The following MTFR1 variants were observed in gnomAD, a reference collection of about 807,000 sequenced individuals.
MTFR1 encodes the protein chondrocyte protein with a poly-proline region.
MTFR1 carries 28 observed loss-of-function variants against 38.8 expected under a neutral mutation model. That is an observed-to-expected ratio of 0.72 (90% CI 0.53 to 0.99). The LOEUF (loss-of-function observed/expected upper bound fraction) is 0.99. Among genes scored for constraint, MTFR1 ranks in the 50% least tolerant of loss-of-function variants. The pLI is 0.00. For missense variants in MTFR1, 358 were observed against 395.5 expected (o/e 0.91, Z 0.81); for synonymous variants, 145 against 137.0 (o/e 1.06, Z -0.41).
rs927908804 is a variant in MTFR1 at position 65,676,977 on chromosome 8, C to T, written c.67-5376C>T. 1.2e-3 allele frequency among the ~76,000 whole-genome samples: 183 copies of T among 151,282 alleles called. 2 individuals carry two copies. Among genetic ancestry groups the T allele is most frequent in the East Asian group, 3.9e-4 (2 of 5,176 alleles). Reference sequence around the variant, plus strand: ...ATTACTAGACACAGACATGCATGTGCGCGCACACACACACACAGATTCACT... The same window carrying T: ...ATTACTAGACACAGACATGCATGTGTGCGCACACACACACACAGATTCACT... On this transcript the variant is annotated intron_variant, in intron 2 of 7. Coordinates refer to ENST00000262146, the MANE Select transcript of MTFR1 (RefSeq NM_014637.4).
intron 3 of MTFR1, among the ~76,000 whole-genome samples, chr8:65,758,761 A>G (rs1006434823): frequency 2.0e-5 from 3 of 152,200 alleles, no homozygotes; most frequent in African/African-American, 7.2e-5. Context: ...AAATCCATGC[A>G]GTACCTTCTG....
chr8:65,767,063 T>C (rs1231778517), intron 3 of MTFR1, among the ~76,000 whole-genome samples: 1 of 152,170 alleles, frequency 6.6e-6, no homozygotes, highest in Non-Finnish European at 1.5e-5. Context: ...TCCAACTGAA[T>C]CTTGTTTTTT....
At chr8:65,668,139 T>C (rs1804445152) in intron 1 of MTFR1, among the ~76,000 whole-genome samples, 1 of 152,098 alleles carries the variant, frequency 6.6e-6, no homozygotes, top group South Asian at 2.1e-4. Context: ...GCATACTGTT[T>C]GGTTTAGCTG....
At chr8:65,735,993 AC>A (rs1255289725) in intron 3 of MTFR1, among the ~76,000 whole-genome samples, 1 of 151,776 alleles carries the variant, frequency 6.6e-6, no homozygotes, top group Non-Finnish European at 1.5e-5. Flanking sequence ...ATGTTCCAAG[AC>A]CCCCAGTGGA....
At chr8:65,694,221 C>T (rs1046907912) in intron 4 of MTFR1, among the ~76,000 whole-genome samples, 4 of 151,844 alleles carry the variant, frequency 2.6e-5, no homozygotes, top group East Asian at 1.9e-4. Flanking sequence ...GCTACAGGCA[C>T]GCACCACCAC....
intron 3 of MTFR1, among the ~76,000 whole-genome samples, chr8:65,688,019 G>C (rs1805146111): frequency 6.7e-6 from 1 of 150,170 alleles, no homozygotes; most frequent in Non-Finnish European, 1.5e-5. Context: ...AGAATCGCTT[G>C]AACCTGGGAG....
chr8:65,700,060 A>G (rs1178727083), intron 4 of MTFR1, among the ~76,000 whole-genome samples: 2 of 152,126 alleles, frequency 1.3e-5, no homozygotes, highest in Non-Finnish European at 2.9e-5. Flanking sequence ...TTTATAAACT[A>G]GAAGTACAGG....
intron 1 of MTFR1, among the ~76,000 whole-genome samples, chr8:65,662,566 G>A (rs1189561102): frequency 7.0e-6 from 1 of 143,386 alleles, no homozygotes; most frequent in African/African-American, 2.5e-5. Flanking sequence ...CCCATCGTCT[G>A]GGATGTGAGG....
intron 1 of MTFR1, among the ~76,000 whole-genome samples, chr8:65,660,386 G>T (rs1204028012): frequency 6.6e-6 from 1 of 151,958 alleles, no homozygotes; most frequent in African/African-American, 2.4e-5. Context: ...CAGATAGCTG[G>T]TAAAACATCA....
At chr8:65,776,836 A>C in the MTFR1 span, among the ~76,000 whole-genome samples, 2,332 of 152,182 alleles carry the variant, frequency 0.015, 31 homozygotes, top group Non-Finnish European at 0.019. Context: ...TAGTCCTTAT[A>C]CTTTTCATTT....
chr8:65,688,274 CCTATAATCCCAG>C (rs1805158779), intron 3 of MTFR1, among the ~76,000 whole-genome samples: 1 of 151,040 alleles, frequency 6.6e-6, no homozygotes, highest in African/African-American at 2.4e-5. Flanking sequence ...ATGGCAGGTA[CCTATAATCCCAG>C]CTACTTGGGA....
At chr8:65,698,651 T>TA (rs1231413738) in intron 4 of MTFR1, among the ~76,000 whole-genome samples, 1 of 152,132 alleles carries the variant, frequency 6.6e-6, no homozygotes, top group Non-Finnish European at 1.5e-5. Context: ...ATCACTCAGG[T>TA]AATAAGCATA....
At chr8:65,733,794 A>G (rs1375256200) in intron 3 of MTFR1, among the ~76,000 whole-genome samples, 2 of 152,212 alleles carry the variant, frequency 1.3e-5, no homozygotes, top group Non-Finnish European at 2.9e-5. Flanking sequence ...GATCTCTTAA[A>G]TAATCAGAAG....
intron 4 of MTFR1, among the ~76,000 whole-genome samples, chr8:65,703,164 G>GC (rs1421778725): frequency 1.3e-5 from 2 of 151,656 alleles, no homozygotes; most frequent in Non-Finnish European, 2.9e-5. Context: ...GAGGCTTGAG[G>GC]CCAGGAGTTC....
At chr8:65,744,561 A>AC (rs754636067) in intron 3 of MTFR1, among the ~76,000 whole-genome samples, 1 of 152,138 alleles carries the variant, frequency 6.6e-6, no homozygotes, top group Non-Finnish European at 1.5e-5. Context: ...CCCCCAAACC[A>AC]CCCATACTCT....
chr8:65,654,027 C>G (rs1809191414), intron 1 of MTFR1, among the ~76,000 whole-genome samples: 1 of 147,164 alleles, frequency 6.8e-6, no homozygotes, highest in Non-Finnish European at 1.5e-5. Context: ...GGTGCCATTG[C>G]ACTCCAGCCT....
intron 1 of MTFR1, among the ~76,000 whole-genome samples, chr8:65,664,746 A>T (rs1804326021): frequency 6.9e-6 from 1 of 145,088 alleles, no homozygotes; most frequent in Non-Finnish European, 1.5e-5. Context: ...ACAGGCACAC[A>T]CTACCATACC....
intron 1 of MTFR1, among the ~76,000 whole-genome samples, chr8:65,661,610 CAG>C (rs1194828609): frequency 3.9e-5 from 6 of 152,070 alleles, no homozygotes; most frequent in Admixed American, 2.6e-4. Flanking sequence ...GCCTGGGTGA[CAG>C]AGCGAGACTC....
chr8:65,727,603 C>A, intron 3 of MTFR1: 1 of 232,308 alleles, frequency 4.3e-6, no homozygotes. Context: ...ATAAACCGTT[C>A]TTTTTGAGAA....
Sources: gnomAD v4.1 joint callset for allele counts (sites outside exome capture counted in the v4.1 genomes callset) on GRCh38, gnomAD v4.1.1 for gene constraint, MANE v1.5 for transcripts, NCBI Gene and HGNC (gene_info 2026-07-23, HGNC 2026-07-21) for gene names.